The following DLD variants were observed in gnomAD, a reference collection of about 807,000 sequenced individuals.
The protein encoded by DLD is dihydrolipoyl dehydrogenase, mitochondrial.
In DLD, 36 loss-of-function variants were observed where a neutral mutation model predicts 62.2. The observed-to-expected ratio is 0.58, with a 90% CI of 0.44 to 0.76. The LOEUF is 0.76. DLD is among the 30% of genes least tolerant of loss of function. The pLI, the probability that DLD is intolerant of heterozygous loss-of-function variation, is 0.00. For missense variants in DLD, 541 were observed against 608.6 expected, an observed-to-expected ratio of 0.89 and a Z score of 1.17; for synonymous variants, 204 against 199.6, an observed-to-expected ratio of 1.02 and a Z score of -0.19.
chr7:107,907,327 C>G (rs142252915), intron 8 of DLD, among the ~76,000 whole-genome samples: 1 of 152,322 alleles, frequency 6.6e-6, no homozygotes, highest in East Asian at 1.9e-4. Context: ...ACAAGAACCT[C>G]AGCCTTGCTG....
At chr7:107,896,470 G>A (rs1273051314) in intron 2 of DLD, among the ~76,000 whole-genome samples, 1 of 152,186 alleles carries the variant, frequency 6.6e-6, no homozygotes. Context: ...ATTTGCCCAA[G>A]AACTTAACGG....
In DLD at chr7:107,906,347, A is replaced by G; in HGVS notation, c.663A>G (p.Ala221=). The part of the protein sequence containing the change: ...KVPEKMVVIG[A]GVIGVELGSV... ...CAGAAAAGATGGTTGTTATTGGTGC[A>G]GGAGTAATAGGTGTAGAATTGGTAA... is the stretch of plus-strand genomic sequence containing the variant. The change falls in exon 8 of 14, where the codon GCA becomes GCG. Residue 221 remains alanine, a synonymous_variant. Transcript: ENST00000205402. 1 of 1,609,228 alleles carries G rather than the reference A, an allele frequency of 6.2e-7. No homozygotes were observed. Among genetic ancestry groups the G allele is most frequent in the Non-Finnish European group, 8.5e-7 (1 of 1,175,666 alleles).
chr7:107,897,213 A>G (rs59090007), intron 2 of DLD, among the ~76,000 whole-genome samples: 1,742 of 152,250 alleles, frequency 0.011, 33 homozygotes, highest in African/African-American at 0.04. Flanking sequence ...GGTACTGATG[A>G]GTCATAAATA....
At chr7:107,916,501 G>A (rs774916447) in intron 9 of DLD, among the ~76,000 whole-genome samples, 4 of 151,934 alleles carry the variant, frequency 2.6e-5, no homozygotes, top group Non-Finnish European at 4.4e-5. Flanking sequence ...GTGAAACCCC[G>A]TCTCTACTAA....
At chr7:107,910,073 T>C (rs2032103833) in intron 8 of DLD, among the ~76,000 whole-genome samples, 1 of 152,028 alleles carries the variant, frequency 6.6e-6, no homozygotes, top group South Asian at 2.1e-4. Flanking sequence ...GCCAGGCTGG[T>C]CTTGAACTCC....
At chr7:107,915,122 A>T (rs1363935256) in intron 8 of DLD, among the ~76,000 whole-genome samples, 2 of 152,226 alleles carry the variant, frequency 1.3e-5, no homozygotes, top group African/African-American at 4.8e-5. Flanking sequence ...TAATCCCAGT[A>T]ATCAGTGGTC....
intron 12 of DLD, among the ~76,000 whole-genome samples, chr7:107,918,672 G>T (rs989480424): frequency 6.6e-6 from 1 of 152,128 alleles, no homozygotes. Flanking sequence ...TAGAATATTT[G>T]AGTGCTGTGT....
At chr7:107,909,766 GC>G (rs1304698468) in intron 8 of DLD, among the ~76,000 whole-genome samples, 1 of 150,860 alleles carries the variant, frequency 6.6e-6, no homozygotes, top group Non-Finnish European at 1.5e-5. Context: ...GTTCCCTTGT[GC>G]TAAGTAAGTT....
chr7:107,915,064 A>C (rs1020787782), intron 8 of DLD, among the ~76,000 whole-genome samples: 2 of 152,214 alleles, frequency 1.3e-5, no homozygotes, highest in African/African-American at 4.8e-5. Context: ...AGTTTTGTGC[A>C]AATGTCACTC....
At chr7:107,897,825 C>T (rs545599292) in intron 2 of DLD, among the ~76,000 whole-genome samples, 3 of 152,048 alleles carry the variant, frequency 2.0e-5, no homozygotes, top group Admixed American at 6.5e-5. Flanking sequence ...GTGATCCACC[C>T]GCATTGGCCT....
intron 8 of DLD, 145 bp downstream of exon 8, chr7:107,906,513 G>GT (rs1263482833): frequency 3.1e-6 from 2 of 641,650 alleles, no homozygotes; most frequent in Non-Finnish European, 2.8e-6. Flanking sequence ...GTTTACTTTT[G>GT]TTTTTTTCAA....
Position 107,905,466 on chromosome 7 carries a change from G to A in DLD, c.544G>A (p.Ala182Thr). 1 of 1,613,780 alleles carries A rather than the reference G, an allele frequency of 6.2e-7. No individual in the cohort carries two copies. ...TATTGATACAAAGAACATTCTTATA[G>A]CCACGGGTTCAGAAGTTACTCCTTT... is the stretch of plus-strand genomic sequence containing the variant. The part of the protein sequence containing the change: ...QVIDTKNILI[A>T]TGSEVTPFPG... Residue 182 changes from alanine (A) to threonine (T), a missense_variant, in exon 7 of 14, where the codon GCC becomes ACC. By Grantham distance (58) the Ala-to-Thr change is moderately conservative. Coordinates refer to ENST00000205402, the MANE Select transcript of DLD (RefSeq NM_000108.5).
chr7:107,907,484 C>G (rs899316384), intron 8 of DLD, among the ~76,000 whole-genome samples: 1 of 152,150 alleles, frequency 6.6e-6, no homozygotes, highest in Non-Finnish European at 1.5e-5. Context: ...AAAGAGAAAT[C>G]AGATGAGAAC....
chr7:107,898,550 G>A (rs2031793961), intron 2 of DLD, among the ~76,000 whole-genome samples: 1 of 148,292 alleles, frequency 6.7e-6, no homozygotes, highest in Admixed American at 6.7e-5. Context: ...CAAAGTGCTG[G>A]AATTACAGGT....
rs1236459329 is a variant in DLD, at chr7:107,891,236, A to G, written c.-15A>G. The G allele has an allele frequency of 6.2e-7, 1 of 1,614,102 alleles. No individual in the cohort carries two copies. The highest frequency in any genetic ancestry group is 1.7e-5 in the Admixed American group (1 of 60,028). On this transcript the variant is annotated 5_prime_UTR_variant, in exon 1 of 14. Transcript: ENST00000205402. ...GAGGTGAAAGTATTGGCGGAAAGGA[A>G]AATACAGCGGAAAAATGCAGAGCTG... is the stretch of plus-strand genomic sequence containing the variant.
chr7:107,894,438 C>T (rs1171146964), intron 2 of DLD, among the ~76,000 whole-genome samples: 1 of 152,118 alleles, frequency 6.6e-6, no homozygotes, highest in South Asian at 2.1e-4. Context: ...TCTAGTAACC[C>T]ATGACTAACA....
At position 107,915,727 on chromosome 7, in the gene DLD, C is replaced by T. The variant is rs1018870513; in HGVS notation, c.875+31C>T. ...TATACATCATTTGTTTTTGATGTAT[C>T]ATCCCTGTCTCTTTAAGCAAAACAC... On this transcript the variant is annotated intron_variant, in intron 9 of 13. Coordinates refer to ENST00000205402, the MANE Select transcript of DLD (RefSeq NM_000108.5). 2.0e-5 allele frequency: 32 copies of T among 1,589,458 alleles called. No homozygotes were observed. The East Asian group carries it at 6.9e-4, about 34-fold the overall frequency.
In DLD at chr7:107,902,377, G is replaced by C; in HGVS notation, c.251G>C (p.Gly84Ala). The C allele has an allele frequency of 6.2e-7, 1 of 1,613,840 alleles. No individual in the cohort carries two copies. The highest frequency in any genetic ancestry group is 8.5e-7 in the Non-Finnish European group (1 of 1,179,820). The change falls in exon 4 of 14, where the codon GGT becomes GCT. Residue 84 changes from glycine to alanine, a missense_variant. Coordinates refer to ENST00000205402, the MANE Select transcript of DLD (RefSeq NM_000108.5). The part of the protein sequence containing the change: ...ETLGGTCLNV[G>A]CIPSKALLNN... ...CTTGGTGGAACATGCTTGAATGTTG[G>C]TTGTATTCCTTCTAAGGTGAGCATG...
rs2031557970 is a variant in DLD at position 107,891,185 on chromosome 7, T to TGGCGGAGCGGCGGAGGCGCCC, written c.-65_-45dup. 6.3e-7 allele frequency: 1 copy of TGGCGGAGCGGCGGAGGCGCCC among 1,597,982 alleles called. No homozygotes were observed. Among genetic ancestry groups the TGGCGGAGCGGCGGAGGCGCCC allele is most frequent in the Non-Finnish European group, 8.6e-7 (1 of 1,166,590 alleles). On this transcript the variant is annotated 5_prime_UTR_variant, in exon 1 of 14. Transcript: ENST00000205402. ...GTGCATGCGCAGGGAGGGGAGACCT[T>TGGCGGAGCGGCGGAGGCGCCC]GGCGGAGCGGCGGAGGCGCCCAGCG...
Sources: allele counts gnomAD v4.1 joint callset (sites outside exome capture counted in the v4.1 genomes callset), GRCh38; gene constraint gnomAD v4.1.1; transcripts MANE v1.5; gene names NCBI Gene and HGNC (gene_info 2026-07-23, HGNC 2026-07-21).